Variants in GK5 observed in about 807,000 individuals in gnomAD.
GK5 encodes the protein ATP:glycerol 3-phosphotransferase 5.
A neutral mutation model predicts 77.3 loss-of-function variants in GK5; 39 were observed. The observed-to-expected ratio is 0.50, with a 90% CI of 0.39 to 0.66. The LOEUF (loss-of-function observed/expected upper bound fraction) is 0.66. Ranked by LOEUF, GK5 falls within the 30% of genes least tolerant of loss-of-function variation. The pLI is 0.00. For synonymous variants in GK5, 211 were observed against 208.0 expected (o/e 1.01, Z -0.13); for missense variants, 487 against 633.8 (o/e 0.77, Z 2.49).
At chr3:142,173,554 G>A (rs1455499211) in intron 12 of GK5, among the ~76,000 whole-genome samples, 1 of 151,972 alleles carries the variant, frequency 6.6e-6, no homozygotes. Context: ...CATGGTGGCG[G>A]GCGCCTGTAG....
intron 3 of GK5, among the ~76,000 whole-genome samples, chr3:142,205,232 T>C (rs2064087147): frequency 6.6e-6 from 1 of 152,028 alleles, no homozygotes; most frequent in South Asian, 2.1e-4. Context: ...CTTACCAAAA[T>C]CTCTCCAATA....
At chr3:142,193,961 G>C (rs947104122) in intron 5 of GK5, among the ~76,000 whole-genome samples, 1 of 152,026 alleles carries the variant, frequency 6.6e-6, no homozygotes, top group Non-Finnish European at 1.5e-5. Flanking sequence ...GGCTGGTCTC[G>C]AAATCCTGAT....
chr3:142,165,866 A>G (rs975771802), intron 15 of GK5, 96 bp from the exon 16 acceptor site: 4 of 721,840 alleles, frequency 5.5e-6, no homozygotes, highest in Admixed American at 3.3e-5. Context: ...AGAAAGGTAA[A>G]CAAAAACTAT....
chr3:142,189,678 A>G (rs2063821744), intron 5 of GK5, among the ~76,000 whole-genome samples: 1 of 152,172 alleles, frequency 6.6e-6, no homozygotes, highest in African/African-American at 2.4e-5. Flanking sequence ...AGGAGGACCT[A>G]GGTCAACCCC....
intron 3 of GK5, among the ~76,000 whole-genome samples, chr3:142,210,520 G>A (rs984148086): frequency 1.3e-5 from 2 of 152,126 alleles, no homozygotes; most frequent in Non-Finnish European, 2.9e-5. Context: ...TTATTTTAAT[G>A]TAAAAGAAGC....
chr3:142,200,402 A>G (rs2107788771), intron 4 of GK5, among the ~76,000 whole-genome samples: 1 of 152,248 alleles, frequency 6.6e-6, no homozygotes, highest in Non-Finnish European at 1.5e-5. Context: ...TCCTGACTTC[A>G]GGTGATCCGC....
At chr3:142,169,644 C>A (rs2063511737) in intron 15 of GK5, among the ~76,000 whole-genome samples, 1 of 151,646 alleles carries the variant, frequency 6.6e-6, no homozygotes, top group Non-Finnish European at 1.5e-5. Flanking sequence ...TGATAGTCCT[C>A]CAGAATAAAG....
Position 142,163,167 on chromosome 3 carries a change from GT to G in GK5, c.*2454del, listed in dbSNP as rs1215951758. 6.6e-6 allele frequency: 1 copy of G among 151,782 alleles called. No homozygotes were observed. Among genetic ancestry groups the G allele is most frequent in the Non-Finnish European group, 1.5e-5 (1 of 67,988 alleles). The allele number at this position is 151,782 out of a possible 1,614,324, so 9.4% of individuals were successfully genotyped here. A position where few individuals can be genotyped will look rare whatever the true frequency, so the allele number is the denominator to read the frequency against. ...CACAAATATTAAAAATAAAATATTA[GT>G]TTTTAGATTCACAGAAGAAAAAAAT... On this transcript the variant is annotated 3_prime_UTR_variant, in exon 16 of 16. Coordinates refer to ENST00000392993, the MANE Select transcript of GK5 (RefSeq NM_001039547.3).
At chr3:142,187,472 G>A (rs2063788152) in intron 6 of GK5, among the ~76,000 whole-genome samples, 1 of 151,930 alleles carries the variant, frequency 6.6e-6, no homozygotes, top group African/African-American at 2.4e-5. Context: ...AGACATGGTG[G>A]CACATACCAA....
chr3:142,187,303 GA>G (rs1052533598), intron 6 of GK5, among the ~76,000 whole-genome samples: 188 of 142,330 alleles, frequency 1.3e-3, no homozygotes, highest in East Asian at 4.0e-3. Flanking sequence ...CAGGAAGGGG[GA>G]AAAAAAAAAA....
chr3:142,213,487 G>T, intron 3 of GK5, 39 bp downstream of exon 3: 1 of 1,165,424 alleles, frequency 8.6e-7, no homozygotes, highest in South Asian at 1.2e-5. Context: ...ACTGTGGCAT[G>T]AACCCAGCAG....
intron 4 of GK5, among the ~76,000 whole-genome samples, chr3:142,201,617 T>C (rs546986017): frequency 2.4e-4 from 37 of 152,142 alleles, no homozygotes; most frequent in Non-Finnish European, 4.6e-4. Flanking sequence ...TAGGAAAAAA[T>C]TGTATAGAAC....
chr3:142,168,858 A>G (rs140588672), intron 15 of GK5, among the ~76,000 whole-genome samples: 1 of 152,034 alleles, frequency 6.6e-6, no homozygotes, highest in Non-Finnish European at 1.5e-5. Context: ...TGCTCTCACC[A>G]TAACAGTACT....
chr3:142,191,497 A>G (rs1460971573), intron 5 of GK5, among the ~76,000 whole-genome samples: 1 of 151,902 alleles, frequency 6.6e-6, no homozygotes, highest in African/African-American at 2.4e-5. Context: ...TGAGCTCAAG[A>G]GTTTGAGGAC....
chr3:142,205,843 CACT>C (rs1364891555), intron 3 of GK5, among the ~76,000 whole-genome samples: 2 of 152,130 alleles, frequency 1.3e-5, no homozygotes, highest in Non-Finnish European at 2.9e-5. Flanking sequence ...CAACCATCAC[CACT>C]GTTTTTAAAA....
chr3:142,211,865 T>C lies in GK5; in HGVS notation c.317+1661A>G, dbSNP rs7629749. Among the ~76,000 whole-genome samples, 145 of 152,262 alleles carry C rather than the reference T, an allele frequency of 9.5e-4. 2 individuals carry two copies. The highest frequency in any genetic ancestry group is 3.4e-3 in the African/African-American group (140 of 41,546). On this transcript the variant is annotated intron_variant, in intron 3 of 15. Coordinates refer to ENST00000392993, the MANE Select transcript of GK5 (RefSeq NM_001039547.3). Reference sequence around the variant, plus strand: ...GCCTCAGTCCAAGTTAAACCAATGTTCTAGTCACCTCTGAGATATCTCCAC... The same window carrying C: ...GCCTCAGTCCAAGTTAAACCAATGTCCTAGTCACCTCTGAGATATCTCCAC...
chr3:142,203,548 G>T (rs1452947385), intron 4 of GK5, among the ~76,000 whole-genome samples: 2 of 152,230 alleles, frequency 1.3e-5, no homozygotes, highest in East Asian at 3.8e-4. Context: ...GCCAAGGCAG[G>T]CGGATCATCA....
rs1560204229 is a variant in GK5, at chr3:142,159,845, C to CTTTTTTTTTTTTTTTTTTT, written c.*5776_*5777insAAAAAAAAAAAAAAAAAAA. ...TTTGGGGCTTTCTCTCTCTCTCTCT[C>CTTTTTTTTTTTTTTTTTTT]TCTCTCTCTTTTTTTTTTTTGAGAC... is the stretch of plus-strand genomic sequence containing the variant. On this transcript the variant is annotated 3_prime_UTR_variant, in exon 16 of 16. Coordinates refer to ENST00000392993, the MANE Select transcript of GK5 (RefSeq NM_001039547.3). 1 of 104,708 alleles carries CTTTTTTTTTTTTTTTTTTT rather than the reference C, an allele frequency of 9.6e-6. No individual in the cohort carries two copies. The highest frequency in any genetic ancestry group is 4.2e-5 in the African/African-American group (1 of 24,014). The allele number at this position is 104,708 out of a possible 1,614,324, so 6.5% of individuals were successfully genotyped here.
At chr3:142,187,833 A>C (rs373994969) in intron 5 of GK5, 54 bp from the exon 6 acceptor site, 8 of 1,275,600 alleles carry the variant, frequency 6.3e-6, no homozygotes, top group Admixed American at 1.9e-5. Flanking sequence ...TACTAAGTGC[A>C]TGATTAAATG....
Sources: gnomAD v4.1 joint callset for allele counts (sites outside exome capture counted in the v4.1 genomes callset) on GRCh38, gnomAD v4.1.1 for gene constraint, MANE v1.5 for transcripts, NCBI Gene and HGNC (gene_info 2026-07-23, HGNC 2026-07-21) for gene names.